Variants in SAE1 observed in about 807,000 individuals in gnomAD.
The protein encoded by SAE1 is SUMO-activating enzyme subunit 1.
In SAE1, 11 loss-of-function variants were observed where a neutral mutation model predicts 40.6. The ratio of observed to expected loss-of-function variants is 0.27; its 90% CI spans 0.17 to 0.45. The LOEUF (loss-of-function observed/expected upper bound fraction) is 0.45. Ranked by LOEUF, SAE1 falls within the 20% of genes least tolerant of loss-of-function variation. The pLI, the probability that SAE1 is intolerant of heterozygous loss-of-function variation, is 1.00. For synonymous variants in SAE1, 155 were observed against 154.3 expected (o/e 1.00, Z -0.03); for missense variants, 373 against 427.3 (o/e 0.87, Z 1.12).
chr19:47,172,489 C>A (rs1412037499), intron 6 of SAE1, among the ~76,000 whole-genome samples: 1 of 152,074 alleles, frequency 6.6e-6, no homozygotes, highest in Non-Finnish European at 1.5e-5. Flanking sequence ...TTGGGTTTGA[C>A]TTGAGCATCT....
intron 8 of SAE1, among the ~76,000 whole-genome samples, chr19:47,204,186 C>CTTTTTTTTT (rs2058671858): frequency 7.0e-6 from 1 of 143,350 alleles, no homozygotes; most frequent in Admixed American, 7.5e-5. Context: ...CAAAGCCCTC[C>CTTTTTTTTT]CTTTTTTTTT....
rs868497663 is a variant in SAE1 at position 47,140,063 on chromosome 19, G to T, written c.99-3431G>T. ...AGCGATTCTCCTGCCTCAGCTTCCCGAGTAGCTGAGATTACAGGCGCCTGC... is the reference window on the plus strand; with the variant it reads ...AGCGATTCTCCTGCCTCAGCTTCCCTAGTAGCTGAGATTACAGGCGCCTGC... On this transcript the variant is annotated intron_variant, in intron 1 of 8. Coordinates refer to ENST00000270225, the MANE Select transcript of SAE1 (RefSeq NM_005500.3). 1.1e-3 allele frequency among the ~76,000 whole-genome samples: 157 copies of T among 148,840 alleles called. No homozygotes were observed. In the Middle Eastern group the frequency reaches 0.018, roughly 17 times the overall value.
intron 6 of SAE1, among the ~76,000 whole-genome samples, chr19:47,188,709 T>A (rs2058559853): frequency 6.6e-6 from 1 of 152,196 alleles, no homozygotes; most frequent in Non-Finnish European, 1.5e-5. Flanking sequence ...AGGCTCAGGG[T>A]CCTTGTCACT....
intron 4 of SAE1, 144 bp from the exon 5 acceptor site, chr19:47,154,970 C>T: frequency 1.6e-6 from 1 of 631,512 alleles, no homozygotes; most frequent in Non-Finnish European, 2.8e-6. Context: ...TTATCAATGG[C>T]AGAGCTCGAT....
rs573274998 is a variant in SAE1 at position 47,131,255 on chromosome 19, G to A, written c.98+227G>A. 308 of 1,135,184 alleles carry A rather than the reference G, an allele frequency of 2.7e-4. 3 individuals are homozygous for A. The South Asian group carries it at 4.3e-3, about 16-fold the overall frequency. The allele number at this position is 1,135,184 out of a possible 1,614,324, so 70.3% of individuals were successfully genotyped here. ...CGTTCCGAAGGATGGGAGCTCTGAA[G>A]GGGGCGTTGGGGAGTCCTGAGAGAG... On this transcript the variant is annotated intron_variant, in intron 1 of 8. Coordinates refer to ENST00000270225, the MANE Select transcript of SAE1 (RefSeq NM_005500.3).
At chr19:47,151,554 C>T (rs750649320) in intron 3 of SAE1, among the ~76,000 whole-genome samples, 9 of 152,078 alleles carry the variant, frequency 5.9e-5, no homozygotes, top group Non-Finnish European at 1.0e-4. Context: ...TCACTGCAAC[C>T]TCCGCCTCCC....
intron 7 of SAE1, among the ~76,000 whole-genome samples, chr19:47,199,571 A>G (rs1051200711): frequency 1.3e-5 from 2 of 151,864 alleles, no homozygotes; most frequent in Non-Finnish European, 2.9e-5. Flanking sequence ...AGGGCCTTCA[A>G]CTCTGCTGGC....
intron 6 of SAE1, among the ~76,000 whole-genome samples, chr19:47,172,706 A>G (rs1239813229): frequency 2.6e-5 from 4 of 152,020 alleles, no homozygotes; most frequent in Admixed American, 6.6e-5. Context: ...TCTCCAAAAA[A>G]AAGGGGGAGA....
chr19:47,207,952 A>G (rs1242764379), intron 8 of SAE1, among the ~76,000 whole-genome samples: 1 of 151,898 alleles, frequency 6.6e-6, no homozygotes, highest in East Asian at 1.9e-4. Flanking sequence ...TTGTATTTTA[A>G]AGTGCTCTGT....
intron 5 of SAE1, among the ~76,000 whole-genome samples, chr19:47,156,659 C>T (rs1200299022): frequency 1.3e-5 from 2 of 152,050 alleles, no homozygotes; most frequent in Non-Finnish European, 2.9e-5. Context: ...GCTGGGACTA[C>T]AGGTGTGTGC....
chr19:47,194,733 G>C (rs908026460), intron 6 of SAE1, among the ~76,000 whole-genome samples: 2 of 150,436 alleles, frequency 1.3e-5, no homozygotes, highest in Non-Finnish European at 3.0e-5. Flanking sequence ...GAAGGTGTTG[G>C]TATGTTAATC....
At chr19:47,155,756 T>G (rs922869371) in intron 5 of SAE1, among the ~76,000 whole-genome samples, 1 of 148,792 alleles carries the variant, frequency 6.7e-6, no homozygotes, top group African/African-American at 2.5e-5. Context: ...ACCCTTTTTT[T>G]TTTTTTTTTT....
chr19:47,173,829 G>C (rs900260536), intron 6 of SAE1, among the ~76,000 whole-genome samples: 15 of 147,896 alleles, frequency 1.0e-4, no homozygotes, highest in African/African-American at 3.8e-4. Context: ...CTGTCACCCA[G>C]GCTGGAGTGC....
chr19:47,208,126 A>G (rs1213668393), intron 8 of SAE1, among the ~76,000 whole-genome samples: 1 of 152,188 alleles, frequency 6.6e-6, no homozygotes, highest in Non-Finnish European at 1.5e-5. Context: ...GTGTCCCCTT[A>G]GGTGATAAAG....
At chr19:47,170,090 G>A (rs1234829916) in intron 6 of SAE1, among the ~76,000 whole-genome samples, 167 bp downstream of exon 6, 1 of 152,094 alleles carries the variant, frequency 6.6e-6, no homozygotes, top group African/African-American at 2.4e-5. Flanking sequence ...AAGGGGGTGA[G>A]GTCTACCATT....
intron 6 of SAE1, among the ~76,000 whole-genome samples, chr19:47,184,896 C>G (rs1443294281): frequency 1.3e-5 from 2 of 151,804 alleles, no homozygotes; most frequent in Non-Finnish European, 2.9e-5. Flanking sequence ...TGATAGCTCA[C>G]TGAAACCTCT....
intron 1 of SAE1, among the ~76,000 whole-genome samples, chr19:47,141,713 A>C (rs2058223157): frequency 6.6e-6 from 1 of 152,190 alleles, no homozygotes; most frequent in Non-Finnish European, 1.5e-5. Context: ...TGTTGTGATT[A>C]AATTTTATTT....
chr19:47,149,163 CTTTTTT>C (rs958403274), intron 2 of SAE1, among the ~76,000 whole-genome samples: 5 of 86,488 alleles, frequency 5.8e-5, no homozygotes, highest in African/African-American at 1.9e-4. Context: ...CACTGGTCTA[CTTTTTT>C]TTTTTTTTTT....
intron 6 of SAE1, among the ~76,000 whole-genome samples, chr19:47,194,235 A>G (rs2058599046): frequency 1.3e-5 from 2 of 152,160 alleles, no homozygotes; most frequent in South Asian, 4.1e-4. Context: ...GGTGGAGTGA[A>G]TGAATTCTAC....
Sources: allele counts gnomAD v4.1 joint callset (sites outside exome capture counted in the v4.1 genomes callset), GRCh38; gene constraint gnomAD v4.1.1; transcripts MANE v1.5; gene names NCBI Gene and HGNC (gene_info 2026-07-23, HGNC 2026-07-21).